SV2A: variants seen among roughly 807,000 people sequenced by gnomAD.
SV2A encodes synaptic vesicle glycoprotein 2A, also known as solute carrier family 22 member B1.
Under a neutral mutation model 78.0 loss-of-function variants are expected in SV2A, and 25 were observed. The ratio of observed to expected loss-of-function variants is 0.32; its 90% CI spans 0.23 to 0.45. The LOEUF (loss-of-function observed/expected upper bound fraction) is 0.45. Among genes scored for constraint, SV2A ranks in the 20% least tolerant of loss-of-function variants. The pLI, the probability that SV2A is intolerant of heterozygous loss-of-function variation, is 1.00. For missense variants in SV2A, 752 were observed against 971.5 expected, an observed-to-expected ratio of 0.77 and a Z score of 3.00; for synonymous variants, 355 against 384.7, an observed-to-expected ratio of 0.92 and a Z score of 0.90.
At chr1:149,911,473 G>A (rs61807544) in intron 3 of SV2A, among the ~76,000 whole-genome samples, 3 of 151,670 alleles carry the variant, frequency 2.0e-5, no homozygotes, top group Admixed American at 6.6e-5. Flanking sequence ...ACTCTGGTAG[G>A]GGGTAACTCT....
intron 1 of SV2A, among the ~76,000 whole-genome samples, chr1:149,916,693 A>G (rs1245336701): frequency 6.6e-6 from 1 of 152,132 alleles, no homozygotes; most frequent in East Asian, 1.9e-4. Context: ...CTCAGGTGAC[A>G]AGGTCATTAA....
At chr1:149,916,066 A>T (rs587635048) in intron 1 of SV2A, among the ~76,000 whole-genome samples, 2 of 152,130 alleles carry the variant, frequency 1.3e-5, no homozygotes, top group African/African-American at 2.4e-5. Context: ...CCTTTTCTTC[A>T]TGGTTCAGGG....
intron 11 of SV2A, 125 bp from the exon 12 acceptor site, chr1:149,906,164 C>A: frequency 1.8e-6 from 2 of 1,133,198 alleles, no homozygotes; most frequent in Non-Finnish European, 2.5e-6. Flanking sequence ...GGTATCCAAC[C>A]AAGGTATCCA....
Position 149,906,755 on chromosome 1 carries a change from C to T in SV2A, c.1780G>A (p.Ala594Thr). 6.2e-7 allele frequency: 1 copy of T among 1,614,222 alleles called. No homozygotes were observed. Among genetic ancestry groups the T allele is most frequent in the Non-Finnish European group, 8.5e-7 (1 of 1,180,042 alleles). ...PLDVTGTGEG[A>T]YMVYFVSFLG... ...AAGCTCACAAAGTATACCATGTAGG[C>T]ACCTTCGCCCGTCCCTGTCACGTCT... is the stretch of plus-strand genomic sequence containing the variant. The change falls in exon 11 of 13, where the codon GCC (alanine) becomes ACC (threonine). Residue 594 changes from alanine to threonine, a missense_variant. Physicochemically the swap from Ala to Thr is moderately conservative, Grantham distance 58 (BLOSUM62 0). Around this residue, in one of 7 missense-constraint regions of SV2A, gnomAD observed 186 missense variants for 274.6 expected, o/e 0.68. Coordinates refer to ENST00000369146, the MANE Select transcript of SV2A (RefSeq NM_014849.5).
intron 2 of SV2A, 131 bp from the exon 3 acceptor site, chr1:149,912,111 A>C: frequency 1.1e-6 from 1 of 878,214 alleles, no homozygotes; most frequent in Non-Finnish European, 1.7e-6. Flanking sequence ...AGATTAGAGC[A>C]AGTGAGAGAA....
chr1:149,907,241 T>C (rs990776462), intron 10 of SV2A, among the ~76,000 whole-genome samples: 15 of 152,188 alleles, frequency 9.9e-5, no homozygotes, highest in Admixed American at 9.8e-4. Flanking sequence ...TGGAAAAAGC[T>C]CGCCCAGTAT....
intron 6 of SV2A, 46 bp downstream of exon 6, chr1:149,909,755 G>A: frequency 6.3e-7 from 1 of 1,599,170 alleles, no homozygotes; most frequent in Non-Finnish European, 8.6e-7. Context: ...GGTAGGGGCT[G>A]GGGCTGCAGG....
chr1:149,913,986 G>C lies in SV2A; in HGVS notation c.-146C>G, dbSNP rs1447404643. ...CCAGTATCTCTGGGCACAAAAAAAA[G>C]AGCAAACAGGTCCTAGCCAATGAGT... On this transcript the variant is annotated 5_prime_UTR_variant, in exon 2 of 13. Coordinates refer to ENST00000369146, the MANE Select transcript of SV2A (RefSeq NM_014849.5). 26 of 1,253,254 alleles carry C rather than the reference G, an allele frequency of 2.1e-5. No homozygotes were observed. The highest frequency in any genetic ancestry group is 2.8e-5 in the Non-Finnish European group (26 of 925,722). The allele number at this position is 1,253,254 out of a possible 1,614,324, so 77.6% of individuals were successfully genotyped here. A position where few individuals can be genotyped will look rare whatever the true frequency, so the allele number is the denominator to read the frequency against.
At chr1:149,909,082 T>A in intron 8 of SV2A, 110 bp downstream of exon 8, 1 of 1,056,274 alleles carries the variant, frequency 9.5e-7, no homozygotes. Context: ...GGGGTCTGCA[T>A]GGCACCTTCC....
chr1:149,904,673 A>T lies in SV2A; in HGVS notation c.*341T>A. Reference sequence around the variant, plus strand: ...GGCCTAGGCAGAGGGAATGATGGGGAAGGCAGGAAGCCTATTCTGGAACCC... The same window carrying T: ...GGCCTAGGCAGAGGGAATGATGGGGTAGGCAGGAAGCCTATTCTGGAACCC... On this transcript the variant is annotated 3_prime_UTR_variant, in exon 13 of 13. Transcript: ENST00000369146. The T allele has an allele frequency of 4.3e-6, 1 of 233,816 alleles. No individual in the cohort carries two copies. Among genetic ancestry groups the T allele is most frequent in the Non-Finnish European group, 8.4e-6 (1 of 119,404 alleles). The allele number at this position is 233,816 out of a possible 1,614,324, so 14.5% of individuals were successfully genotyped here. A position where few individuals can be genotyped will look rare whatever the true frequency, so the allele number is the denominator to read the frequency against.
Position 149,910,638 on chromosome 1 carries a change from C to A in SV2A, c.1021G>T (p.Ala341Ser), listed in dbSNP as rs1413683133. 9 of 1,613,516 alleles carry A rather than the reference C, an allele frequency of 5.6e-6. No individual in the cohort carries two copies. Among genetic ancestry groups the A allele is most frequent in the Non-Finnish European group, 7.6e-6 (9 of 1,179,804 alleles). ...CCAATGGCAAACACAGAAGGAAAGG[C>A]GCAGACGAGGACGAAGACCCTCCAG... ...HSWRVFVLVCAFPSVFAIGAL... is the reference protein window; with the variant it reads ...HSWRVFVLVCSFPSVFAIGAL... The change falls in exon 5 of 13, where the codon GCC becomes TCC. Residue 341 changes from alanine (A) to serine (S), a missense_variant. Transcript: ENST00000369146. The surrounding 1 kb of genome is among the most constrained non-coding windows in gnomAD (Gnocchi z 4.2).
Position 149,909,643 on chromosome 1 carries a change from C to T in SV2A, c.1180-72G>A, listed in dbSNP as rs2101619006. The T allele has an allele frequency of 1.5e-5, 23 of 1,497,988 alleles. No homozygotes were observed. The South Asian group carries it at 2.6e-4, about 17-fold the overall frequency. 92.8% of individuals were successfully genotyped at this position (1,497,988 alleles called of 1,614,324 possible). A position where few individuals can be genotyped will look rare whatever the true frequency, so the allele number is the denominator to read the frequency against. On this transcript the variant is annotated intron_variant, in intron 6 of 12. Transcript: ENST00000369146. ...AACATCGGCCAGGCGCCTCAGTTTC[C>T]CCTGCATTAGCAAAATGGGAGGCAG...
intron 12 of SV2A, 196 bp downstream of exon 12, chr1:149,905,684 C>T: frequency 4.5e-6 from 3 of 665,632 alleles, no homozygotes; most frequent in Non-Finnish European, 7.5e-6. Context: ...CTCAGGTGAT[C>T]TGCCTGCCTC....
rs782308977 is a variant in SV2A at position 149,913,539 on chromosome 1, A to G, written c.302T>C (p.Ile101Thr). 6.2e-7 allele frequency: 1 copy of G among 1,612,192 alleles called. No individual in the cohort carries two copies. The highest frequency in any genetic ancestry group is 1.3e-5 in the African/African-American group (1 of 74,646). The part of the protein sequence containing the change: ...DEIYEGEYQG[I>T]PRAESGGKGE... ...TTTGCCCCCAGACTCTGCCCGGGGA[A>G]TGCCCTGATATTCCCCTTCATAGAT... Residue 101 changes from isoleucine to threonine, a missense_variant, in exon 2 of 13, where the codon ATT becomes ACT. Ile to Thr is a moderately conservative substitution (Grantham distance 89). Coordinates refer to ENST00000369146, the MANE Select transcript of SV2A (RefSeq NM_014849.5).
chr1:149,913,163 G>A, intron 2 of SV2A, 56 bp downstream of exon 2: 2 of 1,574,192 alleles, frequency 1.3e-6, no homozygotes, highest in South Asian at 1.2e-5. Context: ...CAATTTCCAG[G>A]AGCAAGGAGG....
chr1:149,915,536 G>A (rs1334839817), intron 1 of SV2A, among the ~76,000 whole-genome samples: 2 of 152,158 alleles, frequency 1.3e-5, no homozygotes, highest in Non-Finnish European at 2.9e-5. Flanking sequence ...TTCCACAGAT[G>A]GGGGTGAGAA....
In SV2A at chr1:149,906,680, T is replaced by A; in HGVS notation, c.1855A>T (p.Met619Leu). ...ATTCTGAGCCTGCCGATCTTGTCCA[T>A]GAGCAGGGCAGACACGATATTCCCA... The part of the protein sequence containing the change: ...LPGNIVSALL[M>L]DKIGRLRMLA... Residue 619 changes from methionine to leucine, a missense_variant, in exon 11 of 13, where the codon ATG becomes TTG. Met to Leu is a conservative substitution (Grantham distance 15). Coordinates refer to ENST00000369146, the MANE Select transcript of SV2A (RefSeq NM_014849.5). 1 of 1,614,182 alleles carries A rather than the reference T, an allele frequency of 6.2e-7. No individual in the cohort carries two copies. The highest frequency in any genetic ancestry group is 2.2e-5 in the East Asian group (1 of 44,890).
chr1:149,910,627 A>G lies in SV2A; in HGVS notation c.1032T>C (p.Ser344=). 1.9e-6 allele frequency: 3 copies of G among 1,613,606 alleles called. No individual in the cohort carries two copies. Among genetic ancestry groups the G allele is most frequent in the African/African-American group, 1.3e-5 (1 of 75,020 alleles). Residue 344 remains serine (S), a synonymous_variant, in exon 5 of 13, where the codon TCT becomes TCC. Transcript: ENST00000369146. This position sits in a 1 kb window ranked among gnomAD's most constrained non-coding sequence, Gnocchi z 4.2. ...RVFVLVCAFP[S]VFAIGALTTQ... ...TGGTCAGAGCCCCAATGGCAAACAC[A>G]GAAGGAAAGGCGCAGACGAGGACGA...
At position 149,905,703 on chromosome 1, in the gene SV2A, A is replaced by G. The variant is rs962486820; in HGVS notation, c.2045+177T>C. 127 of 849,646 alleles carry G rather than the reference A, an allele frequency of 1.5e-4. No homozygotes were observed. The African/African-American group carries it at 2.0e-3, about 14-fold the overall frequency. 52.6% of individuals were successfully genotyped at this position (849,646 alleles called of 1,614,324 possible). On this transcript the variant is annotated intron_variant, in intron 12 of 12. Transcript: ENST00000369146. ...GGTGATCTGCCTGCCTCGGCCTCCCAAAGCACTGGGATTACAGGCATGAGT... is the reference window on the plus strand; with the variant it reads ...GGTGATCTGCCTGCCTCGGCCTCCCGAAGCACTGGGATTACAGGCATGAGT...
Sources: allele counts gnomAD v4.1 joint callset (sites outside exome capture counted in the v4.1 genomes callset), GRCh38; gene constraint gnomAD v4.1.1; regional missense constraint gnomAD v4.1.1; non-coding constraint Gnocchi (gnomAD v3.1); transcripts MANE v1.5; gene names NCBI Gene and HGNC (gene_info 2026-07-23, HGNC 2026-07-21).